The following ANO10 variants were observed in gnomAD, a reference collection of about 807,000 sequenced individuals.
The protein encoded by ANO10 is anoctamin 10.
A neutral mutation model predicts 74.7 loss-of-function variants in ANO10; 77 were observed. The ratio of observed to expected loss-of-function variants is 1.03; its 90% CI spans 0.86 to 1.25. The LOEUF is 1.25. Among genes scored for constraint, ANO10 ranks in the 50% most tolerant of loss-of-function variants. The pLI is 0.00. For missense variants in ANO10, 721 were observed against 778.1 expected, an observed-to-expected ratio of 0.93 and a Z score of 0.87; for synonymous variants, 279 against 284.9, an observed-to-expected ratio of 0.98 and a Z score of 0.21.
intron 12 of ANO10, among the ~76,000 whole-genome samples, chr3:43,383,702 A>G (rs962115516): frequency 6.6e-6 from 1 of 152,208 alleles, no homozygotes; most frequent in African/African-American, 2.4e-5. Flanking sequence ...TAGATGCAGA[A>G]AAAACATTTG....
intron 7 of ANO10, among the ~76,000 whole-genome samples, chr3:43,574,090 G>A (rs1035150925): frequency 6.6e-6 from 1 of 151,634 alleles, no homozygotes; most frequent in Non-Finnish European, 1.5e-5. Flanking sequence ...CAGTAGCTGG[G>A]ATTACAGGTG....
chr3:43,592,241 A>G (rs1056502377), intron 4 of ANO10, among the ~76,000 whole-genome samples: 15 of 152,198 alleles, frequency 9.9e-5, no homozygotes, highest in Admixed American at 9.2e-4. Flanking sequence ...ACAGCTTTGA[A>G]GAGAGTAGTG....
At chr3:43,409,961 A>G (rs566990465) in intron 12 of ANO10, among the ~76,000 whole-genome samples, 1 of 152,146 alleles carries the variant, frequency 6.6e-6, no homozygotes, top group African/African-American at 2.4e-5. Flanking sequence ...CCCAAACTTT[A>G]AGAAAATTGT....
In ANO10 at chr3:43,605,826, A is replaced by C. The variant is rs1319840495; in HGVS notation, c.27T>G (p.Asp9Glu). Residue 9 changes from aspartate (D) to glutamate (E), a missense_variant, in exon 2 of 13, where the codon GAT (aspartate) becomes GAG (glutamate). Transcript: ENST00000292246. MKVTLSAL[D>E]TSESSFTPLV... The stretch of plus-strand genomic sequence containing the variant: ...AAGGTGTGAAAGAACTCTCAGAAGT[A>C]TCCAAAGCTGATAAGGTCACTTTCA... 6.2e-7 allele frequency: 1 copy of C among 1,613,816 alleles called. No individual in the cohort carries two copies. The highest frequency in any genetic ancestry group is 1.1e-5 in the South Asian group (1 of 91,074).
At chr3:43,417,270 C>G (rs202064228) in intron 12 of ANO10, among the ~76,000 whole-genome samples, 3 of 152,192 alleles carry the variant, frequency 2.0e-5, no homozygotes, top group African/African-American at 7.2e-5. Context: ...CTCCATCTTC[C>G]GTTCTCTGCC....
At chr3:43,512,409 T>TA (rs2077543352) in intron 11 of ANO10, among the ~76,000 whole-genome samples, 1 of 152,232 alleles carries the variant, frequency 6.6e-6, no homozygotes, top group Admixed American at 6.5e-5. Context: ...AATAATGACT[T>TA]ACGCTTCATA....
At chr3:43,666,184 A>G in intron 1 of ANO10, among the ~76,000 whole-genome samples, 1 of 152,284 alleles carries the variant, frequency 6.6e-6, no homozygotes, top group South Asian at 2.1e-4. Context: ...GCTTTAAAGA[A>G]TAATTCAAAA....
chr3:43,470,908 T>C (rs1227593915), intron 11 of ANO10, among the ~76,000 whole-genome samples: 1 of 152,132 alleles, frequency 6.6e-6, no homozygotes, highest in African/African-American at 2.4e-5. Flanking sequence ...ATTACAGGTG[T>C]GCACCACCGC....
At chr3:43,458,438 A>T (rs2075235575) in intron 11 of ANO10, among the ~76,000 whole-genome samples, 1 of 152,230 alleles carries the variant, frequency 6.6e-6, no homozygotes, top group African/African-American at 2.4e-5. Context: ...ATTTAAGCTG[A>T]AATAATTTGA....
chr3:43,679,066 C>T (rs569994388), intron 1 of ANO10, among the ~76,000 whole-genome samples: 18 of 152,240 alleles, frequency 1.2e-4, no homozygotes, highest in South Asian at 8.3e-4. Context: ...CCGGGTTTAT[C>T]GCACTGGGGA....
At chr3:43,531,900 C>CAA (rs397952583) in intron 11 of ANO10, among the ~76,000 whole-genome samples, 13 of 122,786 alleles carry the variant, frequency 1.1e-4, no homozygotes, top group African/African-American at 3.0e-4. Flanking sequence ...GACCCTGTCT[C>CAA]AAAAAAAAAA....
chr3:43,434,488 A>G (rs1213111301), intron 11 of ANO10, among the ~76,000 whole-genome samples: 1 of 152,260 alleles, frequency 6.6e-6, no homozygotes, highest in African/African-American at 2.4e-5. Flanking sequence ...CAAGAAGTAC[A>G]CAAATTAGTA....
At chr3:43,421,622 C>T (rs1043509170) in intron 12 of ANO10, among the ~76,000 whole-genome samples, 15 of 152,046 alleles carry the variant, frequency 9.9e-5, no homozygotes, top group East Asian at 7.8e-4. Context: ...CCCAGGAGTT[C>T]GAAACCAGCC....
intron 11 of ANO10, among the ~76,000 whole-genome samples, chr3:43,482,126 C>T (rs546870328): frequency 2.6e-5 from 4 of 151,776 alleles, no homozygotes; most frequent in Admixed American, 6.6e-5. Context: ...GACAGGGTTT[C>T]GCCGTGTTAG....
intron 1 of ANO10, among the ~76,000 whole-genome samples, chr3:43,655,124 T>C (rs1575580865): frequency 6.6e-6 from 1 of 152,246 alleles, no homozygotes; most frequent in East Asian, 1.9e-4. Flanking sequence ...GAGGGAAATT[T>C]CTTTTAATGT....
At chr3:43,546,201 A>C (rs1247608398) in intron 11 of ANO10, among the ~76,000 whole-genome samples, 1 of 152,188 alleles carries the variant, frequency 6.6e-6, no homozygotes, top group Non-Finnish European at 1.5e-5. Context: ...ATATAATCCA[A>C]CTTCTGATCG....
At position 43,605,723 on chromosome 3, in the gene ANO10, T is replaced by C. The variant is rs753610894; in HGVS notation, c.130A>G (p.Lys44Glu). The change falls in exon 2 of 13, where the codon AAA becomes GAA. Residue 44 changes from lysine (K) to glutamate (E), a missense_variant. Transcript: ENST00000292246. ...WLKNRIIAKK[K>E]DGGAQLLFRP... Reference sequence around the variant, plus strand: ...TGACTATTTTACTCACCTCCATCTTTTTTTTTAGCTATAATTCTGTTTTTC... The same window carrying C: ...TGACTATTTTACTCACCTCCATCTTCTTTTTTAGCTATAATTCTGTTTTTC... 1.2e-5 allele frequency: 19 copies of C among 1,613,522 alleles called. 1 individual carries two copies. In the Middle Eastern group the frequency reaches 1.8e-3, roughly 154 times the overall value.
chr3:43,437,029 T>C (rs372165771), intron 11 of ANO10, among the ~76,000 whole-genome samples: 11 of 152,220 alleles, frequency 7.2e-5, no homozygotes, highest in African/African-American at 2.6e-4. Flanking sequence ...ACTAGACAAA[T>C]TACATGCCAA....
chr3:43,424,042 A>G (rs1442701221), intron 12 of ANO10, among the ~76,000 whole-genome samples: 1 of 152,144 alleles, frequency 6.6e-6, no homozygotes, highest in Admixed American at 6.6e-5. Context: ...CTCCTCCCTC[A>G]TCATCCTCAT....
Sources: allele counts gnomAD v4.1 joint callset (sites outside exome capture counted in the v4.1 genomes callset), GRCh38; gene constraint gnomAD v4.1.1; transcripts MANE v1.5; gene names NCBI Gene and HGNC (gene_info 2026-07-23, HGNC 2026-07-21).